The following CLEC9A variants were observed in gnomAD, a reference collection of about 807,000 sequenced individuals.
CLEC9A encodes the protein C-type lectin domain containing 9A, also known as C-type lectin domain family 9 member A.
Under a neutral mutation model 30.0 loss-of-function variants are expected in CLEC9A, and 24 were observed. The ratio of observed to expected loss-of-function variants is 0.80; its 90% CI spans 0.58 to 1.13. CLEC9A has a LOEUF of 1.13. Among genes scored for constraint, CLEC9A ranks in the 50% most tolerant of loss-of-function variants. The probability of loss-of-function intolerance (pLI) is 0.00; values close to 1 mark genes in which losing one functional copy is unlikely to be tolerated. For missense variants in CLEC9A, 251 were observed against 280.9 expected, an observed-to-expected ratio of 0.89 and a Z score of 0.76; for synonymous variants, 111 against 96.8, an observed-to-expected ratio of 1.15 and a Z score of -0.86.
intron 6 of CLEC9A, among the ~76,000 whole-genome samples, chr12:10,062,107 T>C (rs1230188111): frequency 6.6e-6 from 1 of 152,236 alleles, no homozygotes; most frequent in African/African-American, 2.4e-5. Context: ...TTTGGAGACG[T>C]ACAAGTCCAA....
intron 4 of CLEC9A, 29 bp from the exon 5 acceptor site, chr12:10,054,242 C>A: frequency 6.4e-7 from 1 of 1,557,752 alleles, no homozygotes; most frequent in South Asian, 1.1e-5. Flanking sequence ...TTCTCTAACT[C>A]GGTATCATTT....
chr12:10,036,310 AC>A (rs1865743747), intron 1 of CLEC9A, among the ~76,000 whole-genome samples: 1 of 152,184 alleles, frequency 6.6e-6, no homozygotes, highest in Non-Finnish European at 1.5e-5. Context: ...TATTAACTAT[AC>A]TTTTCTATGA....
intron 5 of CLEC9A, among the ~76,000 whole-genome samples, chr12:10,056,392 GA>G (rs1214008944): frequency 6.6e-6 from 1 of 151,986 alleles, no homozygotes; most frequent in Non-Finnish European, 1.5e-5. Flanking sequence ...AACAACAAAA[GA>G]AAGAAGAAAC....
intron 6 of CLEC9A, among the ~76,000 whole-genome samples, chr12:10,061,584 T>C (rs956333375): frequency 6.6e-6 from 1 of 152,166 alleles, no homozygotes; most frequent in Non-Finnish European, 1.5e-5. Context: ...CCATTCAAAT[T>C]TGTAAGGATG....
chr12:10,043,064 C>T (rs1049200042), intron 2 of CLEC9A, among the ~76,000 whole-genome samples: 3 of 152,076 alleles, frequency 2.0e-5, no homozygotes, highest in Non-Finnish European at 2.9e-5. Context: ...GAAATTGGCA[C>T]AGATTCAAAT....
In CLEC9A at chr12:10,065,729, C is replaced by T. The variant is rs1405860505; in HGVS notation, c.*97C>T. The T allele has an allele frequency of 4.3e-5, 57 of 1,320,772 alleles. No individual in the cohort carries two copies. Among genetic ancestry groups the T allele is most frequent in the Non-Finnish European group, 5.4e-5 (54 of 998,350 alleles). 81.8% of individuals were successfully genotyped at this position (1,320,772 alleles called of 1,614,324 possible). A position where few individuals can be genotyped will look rare whatever the true frequency, so the allele number is the denominator to read the frequency against. On this transcript the variant is annotated 3_prime_UTR_variant, in exon 9 of 9. Coordinates refer to ENST00000355819, the MANE Select transcript of CLEC9A (RefSeq NM_207345.4). Reference sequence around the variant, plus strand: ...CCCCTCAAAAAAACAGAACAGTAAACCAAAATGTGGGCCATGAAATTAGCA... The same window carrying T: ...CCCCTCAAAAAAACAGAACAGTAAATCAAAATGTGGGCCATGAAATTAGCA...
intron 5 of CLEC9A, among the ~76,000 whole-genome samples, chr12:10,060,111 A>G (rs2137313337): frequency 6.6e-6 from 1 of 152,378 alleles, no homozygotes; most frequent in East Asian, 1.9e-4. Context: ...GTGGAAATGT[A>G]ATATGCTGTA....
At position 10,065,906 on chromosome 12, in the gene CLEC9A, T is replaced by G. The variant is rs1449072250; in HGVS notation, c.*274T>G. 7.0e-6 allele frequency: 2 copies of G among 286,044 alleles called. No individual in the cohort carries two copies. The highest frequency in any genetic ancestry group is 1.3e-5 in the Non-Finnish European group (2 of 153,538). 17.7% of individuals were successfully genotyped at this position (286,044 alleles called of 1,614,324 possible). A position where few individuals can be genotyped will look rare whatever the true frequency, so the allele number is the denominator to read the frequency against. ...ACAAACGCAAGGAAATAATTTTTAT[T>G]GTTTAAAGCCCGGAATGACTGTAAC... On this transcript the variant is annotated 3_prime_UTR_variant, in exon 9 of 9. Coordinates refer to ENST00000355819, the MANE Select transcript of CLEC9A (RefSeq NM_207345.4).
chr12:10,065,739 G>A lies in CLEC9A; in HGVS notation c.*107G>A. 1 of 1,309,162 alleles carries A rather than the reference G, an allele frequency of 7.6e-7. No homozygotes were observed. The highest frequency in any genetic ancestry group is 1.1e-6 in the Non-Finnish European group (1 of 951,152). 81.1% of individuals were successfully genotyped at this position (1,309,162 alleles called of 1,614,324 possible). Reference sequence around the variant, plus strand: ...AAACAGAACAGTAAACCAAAATGTGGGCCATGAAATTAGCAACCTGGGACT... The same window carrying A: ...AAACAGAACAGTAAACCAAAATGTGAGCCATGAAATTAGCAACCTGGGACT... On this transcript the variant is annotated 3_prime_UTR_variant, in exon 9 of 9. Coordinates refer to ENST00000355819, the MANE Select transcript of CLEC9A (RefSeq NM_207345.4).
chr12:10,056,396 G>A (rs1307467706), intron 5 of CLEC9A, among the ~76,000 whole-genome samples: 4 of 152,082 alleles, frequency 2.6e-5, no homozygotes, highest in Admixed American at 2.6e-4. Flanking sequence ...ACAAAAGAAA[G>A]AAGAAACACT....
chr12:10,042,565 G>GA (rs1315907759), intron 2 of CLEC9A, among the ~76,000 whole-genome samples: 1 of 152,048 alleles, frequency 6.6e-6, no homozygotes, highest in Non-Finnish European at 1.5e-5. Context: ...TAATAAAACA[G>GA]AAAAAATAAT....
At chr12:10,042,425 G>A (rs568723449) in intron 2 of CLEC9A, among the ~76,000 whole-genome samples, 7 of 152,288 alleles carry the variant, frequency 4.6e-5, no homozygotes, top group Admixed American at 4.6e-4. Flanking sequence ...GTTATTTTGG[G>A]AGGTGTGAGA....
intron 2 of CLEC9A, among the ~76,000 whole-genome samples, chr12:10,051,766 T>C (rs139551097): frequency 6.6e-6 from 1 of 152,352 alleles, no homozygotes; most frequent in Admixed American, 6.5e-5. Flanking sequence ...TTTCTGATGC[T>C]ATAGTCGCAA....
At chr12:10,037,048 ACT>A (rs1398586220) in intron 1 of CLEC9A, among the ~76,000 whole-genome samples, 1 of 152,212 alleles carries the variant, frequency 6.6e-6, no homozygotes, top group Non-Finnish European at 1.5e-5. Flanking sequence ...GTAAATAAAG[ACT>A]CAGAACACTT....
At chr12:10,044,063 G>A (rs577584944) in intron 2 of CLEC9A, among the ~76,000 whole-genome samples, 1 of 152,198 alleles carries the variant, frequency 6.6e-6, no homozygotes, top group South Asian at 2.1e-4. Context: ...TGACTTTTCG[G>A]TGGCATTTTG....
intron 5 of CLEC9A, among the ~76,000 whole-genome samples, chr12:10,056,422 C>A (rs1365451030): frequency 5.9e-5 from 9 of 152,052 alleles, no homozygotes; most frequent in Admixed American, 5.9e-4. Context: ...ATGTAAAGTG[C>A]AAAAAAGCAG....
At chr12:10,033,875 T>C (rs924258597) in intron 1 of CLEC9A, among the ~76,000 whole-genome samples, 2 of 152,016 alleles carry the variant, frequency 1.3e-5, no homozygotes, top group African/African-American at 4.8e-5. Flanking sequence ...CAGAATTATT[T>C]ACAAAAAAAG....
At position 10,065,738 on chromosome 12, in the gene CLEC9A, G is replaced by A; in HGVS notation, c.*106G>A. 1.5e-6 allele frequency: 2 copies of A among 1,303,132 alleles called. No homozygotes were observed. The highest frequency in any genetic ancestry group is 1.0e-6 in the Non-Finnish European group (1 of 956,850). 80.7% of individuals were successfully genotyped at this position (1,303,132 alleles called of 1,614,324 possible). ...AAAACAGAACAGTAAACCAAAATGTGGGCCATGAAATTAGCAACCTGGGAC... is the reference window on the plus strand; with the variant it reads ...AAAACAGAACAGTAAACCAAAATGTAGGCCATGAAATTAGCAACCTGGGAC... On this transcript the variant is annotated 3_prime_UTR_variant, in exon 9 of 9. Transcript: ENST00000355819.
At chr12:10,032,614 A>C (rs1460394568) in intron 1 of CLEC9A, among the ~76,000 whole-genome samples, 1 of 151,784 alleles carries the variant, frequency 6.6e-6, no homozygotes, top group Non-Finnish European at 1.5e-5. Flanking sequence ...GATGGTCTCG[A>C]TCTCCTAACC....
Sources: allele counts gnomAD v4.1 joint callset (sites outside exome capture counted in the v4.1 genomes callset), GRCh38; gene constraint gnomAD v4.1.1; transcripts MANE v1.5; gene names NCBI Gene and HGNC (gene_info 2026-07-23, HGNC 2026-07-21).